Variants in WLS observed in about 807,000 individuals in gnomAD.
WLS encodes Wnt ligand secretion mediator, also known as protein wntless homolog.
In WLS, 23 loss-of-function variants were observed where a neutral mutation model predicts 62.8. That is an observed-to-expected ratio of 0.37 (90% CI 0.26 to 0.52). The LOEUF is 0.52. WLS is among the 20% of genes least tolerant of loss of function. The pLI, the probability that WLS is intolerant of heterozygous loss-of-function variation, is 0.92. For missense variants in WLS, 615 were observed against 697.3 expected, an observed-to-expected ratio of 0.88 and a Z score of 1.33; for synonymous variants, 246 against 244.1, an observed-to-expected ratio of 1.01 and a Z score of -0.07.
downstream of WLS, among the ~76,000 whole-genome samples, chr1:68,123,724 GGT>G (rs1646390568): frequency 6.6e-6 from 1 of 152,058 alleles, no homozygotes; most frequent in Non-Finnish European, 1.5e-5. Flanking sequence ...CCTGGTCACA[GGT>G]GACTGGCACA....
At chr1:68,113,237 T>C (rs1646251226) in intron 11 of WLS, among the ~76,000 whole-genome samples, 1 of 152,214 alleles carries the variant, frequency 6.6e-6, no homozygotes, top group African/African-American at 2.4e-5. Context: ...AGATAGGTTG[T>C]TGAGTCAGAT....
chr1:68,137,394 C>A (rs998769778), intron 11 of WLS, among the ~76,000 whole-genome samples: 39 of 152,162 alleles, frequency 2.6e-4, no homozygotes, highest in African/African-American at 9.4e-4. Context: ...AGGGCCCAGA[C>A]TCCCTCCACC....
intron 11 of WLS, among the ~76,000 whole-genome samples, chr1:68,112,011 C>T (rs1281220049): frequency 1.3e-5 from 2 of 152,170 alleles, no homozygotes; most frequent in Admixed American, 6.5e-5. Flanking sequence ...CAGTGCCCTC[C>T]TTGGGACACT....
chr1:68,226,660 C>T (rs897985630), intron 1 of WLS, among the ~76,000 whole-genome samples: 16 of 152,086 alleles, frequency 1.1e-4, no homozygotes, highest in Non-Finnish European at 2.9e-5. Flanking sequence ...CTTTTCTACC[C>T]ACAGCTCCCC....
chr1:68,105,595 A>G (rs1391782637), intron 11 of WLS, among the ~76,000 whole-genome samples: 1 of 152,248 alleles, frequency 6.6e-6, no homozygotes, highest in African/African-American at 2.4e-5. Context: ...TCCAAAACCC[A>G]AATGAAAAAG....
chr1:68,139,238 C>A (rs1270422832), intron 10 of WLS, among the ~76,000 whole-genome samples: 2 of 151,972 alleles, frequency 1.3e-5, no homozygotes, highest in Non-Finnish European at 2.9e-5. Flanking sequence ...TGTTTTCTGG[C>A]AAAGATGGAT....
At chr1:68,123,501 G>T (rs542092411), downstream of WLS, among the ~76,000 whole-genome samples, 16 of 151,908 alleles carry the variant, frequency 1.1e-4, no homozygotes, top group South Asian at 2.7e-3. Flanking sequence ...GGTGGTGGCT[G>T]CCCAATCTGC....
intron 2 of WLS, among the ~76,000 whole-genome samples, chr1:68,170,937 A>G (rs1647144682): frequency 6.6e-6 from 1 of 152,212 alleles, no homozygotes; most frequent in Non-Finnish European, 1.5e-5. Flanking sequence ...ATTAATGATT[A>G]TCATCCTTCT....
intron 1 of WLS, among the ~76,000 whole-genome samples, chr1:68,226,634 T>C (rs1289387973): frequency 1.3e-5 from 2 of 152,154 alleles, no homozygotes; most frequent in African/African-American, 4.8e-5. Context: ...GTTGTAAACT[T>C]AGATGACGAG....
At chr1:68,201,581 G>A (rs1040690056) in intron 1 of WLS, among the ~76,000 whole-genome samples, 3 of 152,224 alleles carry the variant, frequency 2.0e-5, no homozygotes, top group African/African-American at 7.2e-5. Flanking sequence ...GACCAGAAGT[G>A]ATTTTTACAA....
chr1:68,231,768 CTGT>C (rs914575933), intron 1 of WLS: 3 of 468,924 alleles, frequency 6.4e-6, no homozygotes, highest in African/African-American at 6.1e-5. Context: ...CCCGACTCTT[CTGT>C]TGTTCCTAAT....
intron 6 of WLS, among the ~76,000 whole-genome samples, chr1:68,149,579 A>G (rs544459548): frequency 4.6e-5 from 7 of 152,310 alleles, no homozygotes; most frequent in South Asian, 4.1e-4. Context: ...CTGGCATATC[A>G]TCTTAGCCAC....
intron 2 of WLS, among the ~76,000 whole-genome samples, chr1:68,191,127 T>A (rs1351177824): frequency 1.2e-5 from 1 of 81,058 alleles, no homozygotes; most frequent in East Asian, 3.9e-4. Flanking sequence ...TACCCAGCAT[T>A]ATTAATACAG....
intron 1 of WLS, among the ~76,000 whole-genome samples, chr1:68,200,567 CTTTTT>C (rs35756608): frequency 2.1e-4 from 28 of 135,820 alleles, no homozygotes; most frequent in African/African-American, 5.9e-4. Context: ...CCAGCTATTG[CTTTTT>C]TTTTTTTTTT....
At chr1:68,224,780 G>C (rs995603773) in intron 1 of WLS, among the ~76,000 whole-genome samples, 20 of 152,046 alleles carry the variant, frequency 1.3e-4, no homozygotes, top group African/African-American at 4.8e-4. Flanking sequence ...GAAAAGGTGG[G>C]GGGGATTGAG....
chr1:68,200,412 TAG>T (rs1318486566), intron 1 of WLS, among the ~76,000 whole-genome samples: 2 of 150,584 alleles, frequency 1.3e-5, no homozygotes, highest in Non-Finnish European at 2.9e-5. Context: ...TTTGGGGTAC[TAG>T]AACTGGTTAT....
At chr1:68,107,938 A>G (rs1183665929) in intron 11 of WLS, among the ~76,000 whole-genome samples, 1 of 152,114 alleles carries the variant, frequency 6.6e-6, no homozygotes, top group Non-Finnish European at 1.5e-5. Context: ...CCAGTTCTAG[A>G]GCCTTCCAGA....
At chr1:68,208,655 G>A (rs1011758434) in intron 1 of WLS, among the ~76,000 whole-genome samples, 1 of 152,204 alleles carries the variant, frequency 6.6e-6, no homozygotes, top group African/African-American at 2.4e-5. Context: ...TTGACTGCCT[G>A]TTTCTTTGAC....
chr1:68,162,992 G>A (rs1447562927), intron 2 of WLS: 1 of 1,592,192 alleles, frequency 6.3e-7, no homozygotes, highest in East Asian at 2.2e-5. Context: ...CCACCAGGGG[G>A]CAGGAGTGCA....
Sources: gnomAD v4.1 joint callset for allele counts (sites outside exome capture counted in the v4.1 genomes callset) on GRCh38, gnomAD v4.1.1 for gene constraint, MANE v1.5 for transcripts, NCBI Gene and HGNC (gene_info 2026-07-23, HGNC 2026-07-21) for gene names.